The following RHBDL2 variants were observed in gnomAD, a reference collection of about 807,000 sequenced individuals.
RHBDL2 encodes the protein rhomboid like 2, also known as rhomboid-related protein 2.
In RHBDL2, 26 loss-of-function variants were observed where a neutral mutation model predicts 31.7. The ratio of observed to expected loss-of-function variants is 0.82; its 90% CI spans 0.60 to 1.14. The LOEUF is 1.14. Ranked by LOEUF, RHBDL2 falls within the 50% of genes most tolerant of loss-of-function variation. RHBDL2 has a pLI of 0.00. For synonymous variants in RHBDL2, 123 were observed against 127.2 expected, an observed-to-expected ratio of 0.97 and a Z score of 0.22; for missense variants, 336 against 364.4, an observed-to-expected ratio of 0.92 and a Z score of 0.63.
rs1447595521 is a variant in RHBDL2, at chr1:38,893,236, A to T, written c.610-12T>A. 1.5e-6 allele frequency: 2 copies of T among 1,309,268 alleles called. No homozygotes were observed. The highest frequency in any genetic ancestry group is 1.1e-6 in the Non-Finnish European group (1 of 910,034). The allele number at this position is 1,309,268 out of a possible 1,614,324, so 81.1% of individuals were successfully genotyped here. ...ATTTCTTGAAAATTCTTAAAAAGAGATAAATAATAATTATATAAGCTATCT... is the reference window on the plus strand; with the variant it reads ...ATTTCTTGAAAATTCTTAAAAAGAGTTAAATAATAATTATATAAGCTATCT... On this transcript the variant is annotated splice_polypyrimidine_tract_variant and intron_variant, in intron 5 of 7. Coordinates refer to ENST00000372990, the MANE Select transcript of RHBDL2 (RefSeq NM_017821.5).
chr1:38,939,917 C>T (rs775236357), intron 1 of RHBDL2, among the ~76,000 whole-genome samples: 9 of 152,004 alleles, frequency 5.9e-5, no homozygotes, highest in Non-Finnish European at 1.2e-4. Context: ...TTCAAGCAAT[C>T]CTCCTACCTC....
At chr1:38,904,556 T>C (rs116036531) in intron 4 of RHBDL2, among the ~76,000 whole-genome samples, 339 of 151,558 alleles carry the variant, frequency 2.2e-3, no homozygotes, top group Non-Finnish European at 4.1e-3. Flanking sequence ...AGGCCAGGCA[T>C]CATGGCACAC....
At chr1:38,915,533 A>T in intron 3 of RHBDL2, 29 bp downstream of exon 3, 1 of 1,611,166 alleles carries the variant, frequency 6.2e-7, no homozygotes, top group Non-Finnish European at 8.5e-7. Context: ...ATCACCTCTG[A>T]TACCAGGGGC....
At chr1:38,896,336 T>C (rs1440031471) in intron 4 of RHBDL2, among the ~76,000 whole-genome samples, 1 of 152,214 alleles carries the variant, frequency 6.6e-6, no homozygotes, top group African/African-American at 2.4e-5. Context: ...GCAGTGTGAC[T>C]TGAGGAAGTT....
intron 2 of RHBDL2, among the ~76,000 whole-genome samples, chr1:38,917,561 T>C (rs1014802448): frequency 2.0e-5 from 3 of 151,998 alleles, no homozygotes; most frequent in East Asian, 3.9e-4. Flanking sequence ...ACACAGCTGA[T>C]TGAAACACAA....
In RHBDL2 at chr1:38,915,624, G is replaced by A. The variant is rs1045979530; in HGVS notation, c.333C>T (p.Ile111=). ...CTTCCTCCCTCTTCTCAGGACTGTAGATAAAGGGACTCTCCAAGATGCCTG... is the reference window on the plus strand; with the variant it reads ...CTTCCTCCCTCTTCTCAGGACTGTAAATAAAGGGACTCTCCAAGATGCCTG... The part of the protein sequence containing the change: ...LDTGILESPF[I]YSPEKREEAW... Residue 111 remains isoleucine (I), a synonymous_variant, in exon 3 of 8, where the codon ATC becomes ATT. Coordinates refer to ENST00000372990, the MANE Select transcript of RHBDL2 (RefSeq NM_017821.5). 4 of 1,614,064 alleles carry A rather than the reference G, an allele frequency of 2.5e-6. No homozygotes were observed. The highest frequency in any genetic ancestry group is 1.7e-6 in the Non-Finnish European group (2 of 1,179,938).
rs6658279 is a variant in RHBDL2 at position 38,915,733 on chromosome 1, G to A, written c.247-23C>T. 2.9e-3 allele frequency: 4,629 copies of A among 1,613,484 alleles called. 106 individuals are homozygous for A. The African/African-American group carries it at 0.049, about 17-fold the overall frequency. On this transcript the variant is annotated intron_variant, in intron 2 of 7. Coordinates refer to ENST00000372990, the MANE Select transcript of RHBDL2 (RefSeq NM_017821.5). ...CAGCTGATGGAGGGAGCAGACATGA[G>A]TATTAACCACACCTTCTCCAGAGAG...
intron 5 of RHBDL2, among the ~76,000 whole-genome samples, chr1:38,895,210 G>C (rs1388786626): frequency 1.3e-5 from 2 of 152,138 alleles, no homozygotes; most frequent in African/African-American, 4.8e-5. Context: ...TATAAGGGTG[G>C]TGTCATTGTT....
chr1:38,930,593 T>G (rs1643429318), intron 1 of RHBDL2, among the ~76,000 whole-genome samples: 1 of 152,226 alleles, frequency 6.6e-6, no homozygotes, highest in Non-Finnish European at 1.5e-5. Flanking sequence ...GATTGGGCTT[T>G]CAAAGCTGTG....
At chr1:38,936,314 T>C (rs1047529173) in intron 1 of RHBDL2, among the ~76,000 whole-genome samples, 1 of 152,088 alleles carries the variant, frequency 6.6e-6, no homozygotes, top group Non-Finnish European at 1.5e-5. Context: ...TGTTGGTTTT[T>C]GGGGGTTTTT....
At chr1:38,940,052 G>C (rs1262156985) in intron 1 of RHBDL2, among the ~76,000 whole-genome samples, 2 of 152,158 alleles carry the variant, frequency 1.3e-5, no homozygotes, top group Non-Finnish European at 2.9e-5. Context: ...GTCTGACCTA[G>C]ACTTGAATTC....
At chr1:38,902,713 C>A (rs1186328495) in intron 4 of RHBDL2, among the ~76,000 whole-genome samples, 1 of 152,078 alleles carries the variant, frequency 6.6e-6, no homozygotes, top group Non-Finnish European at 1.5e-5. Context: ...AGCCACCACA[C>A]CCAGCCTTTG....
At chr1:38,940,578 T>C (rs1643550125) in intron 1 of RHBDL2, among the ~76,000 whole-genome samples, 1 of 152,112 alleles carries the variant, frequency 6.6e-6, no homozygotes, top group South Asian at 2.1e-4. Context: ...GGCCAGGGGT[T>C]GTCTAGCATA....
Position 38,886,511 on chromosome 1 carries a change from G to T in RHBDL2, c.905C>A (p.Ala302Glu), listed in dbSNP as rs753092687. Residue 302 changes from alanine to glutamate, a missense_variant, in exon 8 of 8, where the codon GCA becomes GAA. Ala to Glu is a moderately radical substitution (Grantham distance 107). Transcript: ENST00000372990. The part of the protein sequence containing the change: ...AVFFNIFLSP[A>E]N ...ACTTACAATAGGGGCAGGTCAGTTT[G>T]CTGGAGATAGGAAAATGTTGAAAAA... 6.3e-7 allele frequency: 1 copy of T among 1,578,196 alleles called. No individual in the cohort carries two copies. Among genetic ancestry groups the T allele is most frequent in the Non-Finnish European group, 8.6e-7 (1 of 1,156,594 alleles).
intron 4 of RHBDL2, among the ~76,000 whole-genome samples, chr1:38,900,802 C>G (rs1007181333): frequency 8.5e-5 from 13 of 152,064 alleles, no homozygotes; most frequent in African/African-American, 3.1e-4. Flanking sequence ...AATCCCAGCA[C>G]TTTGGGAGGC....
intron 4 of RHBDL2, among the ~76,000 whole-genome samples, chr1:38,904,847 C>G (rs969220317): frequency 2.0e-5 from 3 of 146,610 alleles, no homozygotes; most frequent in Non-Finnish European, 3.0e-5. Context: ...CTGGCTAACA[C>G]GGTGAAACCC....
intron 6 of RHBDL2, among the ~76,000 whole-genome samples, chr1:38,892,910 A>G (rs1642872065): frequency 6.6e-6 from 1 of 152,228 alleles, no homozygotes; most frequent in Non-Finnish European, 1.5e-5. Context: ...TCTCCCCACT[A>G]CCATCACTCA....
At chr1:38,941,228 G>C (rs1643556815) in intron 1 of RHBDL2, among the ~76,000 whole-genome samples, 1 of 152,230 alleles carries the variant, frequency 6.6e-6, no homozygotes, top group African/African-American at 2.4e-5. Context: ...CTCTGGAGGA[G>C]CCGCCTTGCG....
rs773890339 is a variant in RHBDL2, at chr1:38,895,960, G to A, written c.609+9C>T. On this transcript the variant is annotated intron_variant, in intron 5 of 7. Coordinates refer to ENST00000372990, the MANE Select transcript of RHBDL2 (RefSeq NM_017821.5). ...AGAGACTCGTGGACTCCATCCCCAT[G>A]GTTCTTACCACCAGAACATTCATAA... The A allele has an allele frequency of 1.3e-6, 2 of 1,575,242 alleles. No individual in the cohort carries two copies. The highest frequency in any genetic ancestry group is 1.7e-6 in the Non-Finnish European group (2 of 1,145,724).
Sources: gnomAD v4.1 joint callset for allele counts (sites outside exome capture counted in the v4.1 genomes callset) on GRCh38, gnomAD v4.1.1 for gene constraint, MANE v1.5 for transcripts, NCBI Gene and HGNC (gene_info 2026-07-23, HGNC 2026-07-21) for gene names.